Variants in GLIS1 observed in about 807,000 individuals in gnomAD.
GLIS1 encodes zinc finger protein GLIS1.
A neutral mutation model predicts 63.8 loss-of-function variants in GLIS1; 24 were observed. That is an observed-to-expected ratio of 0.38 (90% CI 0.27 to 0.53). The LOEUF is 0.53. Ranked by LOEUF, GLIS1 falls within the 20% of genes least tolerant of loss-of-function variation. The pLI, the probability that GLIS1 is intolerant of heterozygous loss-of-function variation, is 0.85. For synonymous variants in GLIS1, 450 were observed against 482.5 expected, an observed-to-expected ratio of 0.93 and a Z score of 0.88; for missense variants, 1,036 against 1,074.1, an observed-to-expected ratio of 0.96 and a Z score of 0.50.
At chr1:53,643,340 G>A (rs1645807829) in intron 2 of GLIS1, among the ~76,000 whole-genome samples, 1 of 152,240 alleles carries the variant, frequency 6.6e-6, no homozygotes, top group Non-Finnish European at 1.5e-5. Flanking sequence ...CTTTGGTTGG[G>A]GGCAGTAGTG....
rs373167026 is a variant in GLIS1, at chr1:53,599,389, C to T, written c.437+712G>A. ...GAGACCCGAGCTAGCGTGTTCAGCCCCCTCACCAGGTAATGCCCTGCGCCA... is the reference window on the plus strand; with the variant it reads ...GAGACCCGAGCTAGCGTGTTCAGCCTCCTCACCAGGTAATGCCCTGCGCCA... On this transcript the variant is annotated intron_variant, in intron 3 of 10. Transcript: ENST00000628545. Among the ~76,000 whole-genome samples, 8 of 152,266 alleles carry T rather than the reference C, an allele frequency of 5.3e-5. 1 individual carries two copies. Among genetic ancestry groups the T allele is most frequent in the African/African-American group, 1.9e-4 (8 of 41,542 alleles).
chr1:53,562,900 C>T (rs900164125), intron 4 of GLIS1, among the ~76,000 whole-genome samples: 2 of 152,148 alleles, frequency 1.3e-5, no homozygotes, highest in African/African-American at 4.8e-5. Flanking sequence ...ACATTATTTC[C>T]TATGATTTTT....
intron 2 of GLIS1, among the ~76,000 whole-genome samples, chr1:53,668,605 C>A (rs914488500): frequency 2.0e-5 from 3 of 152,180 alleles, no homozygotes; most frequent in Non-Finnish European, 2.9e-5. Context: ...AGATAATCTG[C>A]CTGCCTCAGC....
rs1569712245 is a variant in GLIS1 at position 53,509,975 on chromosome 1, G to C, written c.1936C>G (p.Pro646Ala). 1.5e-6 allele frequency: 2 copies of C among 1,291,124 alleles called. No homozygotes were observed. Among genetic ancestry groups the C allele is most frequent in the Non-Finnish European group, 2.0e-6 (2 of 1,011,302 alleles). The allele number at this position is 1,291,124 out of a possible 1,614,324, so 80.0% of individuals were successfully genotyped here. A position where few individuals can be genotyped will look rare whatever the true frequency, so the allele number is the denominator to read the frequency against. The change falls in exon 9 of 11, where the codon CCA (proline) becomes GCA (alanine). Residue 646 changes from proline (P) to alanine (A), a missense_variant. This residue lies in a region of GLIS1 where 400 missense variants were observed against 400.9 expected (regional missense o/e 1.00). Coordinates refer to ENST00000628545, the MANE Select transcript of GLIS1 (RefSeq NM_001367484.1). The part of the protein sequence containing the change: ...PIVSPLKGLG[P>A]PPLPPSSQSH... ...TGAGAGGATGGGGGCAGCGGCGGTGGCCCCAGCCCCTTCAGGGGGCTGACT... is the reference window on the plus strand; with the variant it reads ...TGAGAGGATGGGGGCAGCGGCGGTGCCCCCAGCCCCTTCAGGGGGCTGACT...
At chr1:53,617,639 T>C (rs3006898) in intron 2 of GLIS1, among the ~76,000 whole-genome samples, 100,615 of 152,206 alleles carry the variant, frequency 0.66, 35,220 homozygotes, top group Middle Eastern at 0.81. Flanking sequence ...CATGCCTGAG[T>C]GTGTGAATGT....
intron 8 of GLIS1, among the ~76,000 whole-genome samples, chr1:53,514,370 C>T (rs1369814862): frequency 6.6e-6 from 1 of 152,180 alleles, no homozygotes; most frequent in Non-Finnish European, 1.5e-5. Flanking sequence ...TCCCAGGGTC[C>T]TCCAGTGGGG....
intron 2 of GLIS1, among the ~76,000 whole-genome samples, chr1:53,732,568 G>A (rs1646873954): frequency 1.3e-5 from 2 of 152,018 alleles, no homozygotes; most frequent in Non-Finnish European, 2.9e-5. Flanking sequence ...CACAGTGAAG[G>A]CGAGCAGCAC....
At chr1:53,556,970 G>T (rs1644841296) in intron 4 of GLIS1, among the ~76,000 whole-genome samples, 2 of 151,414 alleles carry the variant, frequency 1.3e-5, no homozygotes, top group African/African-American at 4.9e-5. Context: ...TACTGCAGGT[G>T]TGTGTGTGCA....
chr1:53,719,631 G>GATGCA (rs1296151327), intron 2 of GLIS1, among the ~76,000 whole-genome samples: 6 of 152,096 alleles, frequency 3.9e-5, no homozygotes, highest in African/African-American at 1.2e-4. Flanking sequence ...AAAGAATTGT[G>GATGCA]ATGCAACTGG....
intron 2 of GLIS1, among the ~76,000 whole-genome samples, chr1:53,723,566 CA>C (rs1646777778): frequency 1.3e-5 from 2 of 152,042 alleles, no homozygotes; most frequent in African/African-American, 4.8e-5. Context: ...AGACTATATT[CA>C]GAATGATCTC....
intron 2 of GLIS1, among the ~76,000 whole-genome samples, chr1:53,618,364 G>A (rs1645504947): frequency 6.6e-6 from 1 of 152,310 alleles, no homozygotes; most frequent in African/African-American, 2.4e-5. Context: ...GAGATAAGAA[G>A]CCCTTTCTCT....
At chr1:53,633,028 G>T (rs1055719423) in intron 2 of GLIS1, among the ~76,000 whole-genome samples, 11 of 147,212 alleles carry the variant, frequency 7.5e-5, no homozygotes, top group African/African-American at 2.8e-4. Flanking sequence ...GTGACCGAGG[G>T]GCATGTGTAT....
At chr1:53,595,328 G>C (rs1276951968) in intron 3 of GLIS1, among the ~76,000 whole-genome samples, 1 of 152,178 alleles carries the variant, frequency 6.6e-6, no homozygotes, top group Admixed American at 6.5e-5. Flanking sequence ...CGACCAGCTT[G>C]GGCTACATAG....
chr1:53,561,442 A>G (rs1026331360), intron 4 of GLIS1, among the ~76,000 whole-genome samples: 4 of 152,228 alleles, frequency 2.6e-5, no homozygotes, highest in African/African-American at 9.6e-5. Context: ...AAGTGTGGGC[A>G]ATCTTTTTTC....
intron 10 of GLIS1, 93 bp from the exon 11 acceptor site, chr1:53,506,869 G>A (rs1461604199): frequency 7.8e-7 from 1 of 1,276,482 alleles, no homozygotes; most frequent in Non-Finnish European, 1.1e-6. Context: ...GCCTGCCCAG[G>A]GTCATCCCCT....
intron 2 of GLIS1, among the ~76,000 whole-genome samples, chr1:53,705,230 A>G (rs1015757738): frequency 2.6e-5 from 4 of 152,138 alleles, no homozygotes; most frequent in Admixed American, 6.5e-5. Flanking sequence ...GAGCCCTGGG[A>G]GGAGAGAGCC....
At chr1:53,520,880 C>A in intron 6 of GLIS1, 114 bp from the exon 7 acceptor site, 1 of 1,164,524 alleles carries the variant, frequency 8.6e-7, no homozygotes, top group South Asian at 1.8e-5. Flanking sequence ...AGACCCTTCC[C>A]TTCACTGTGC....
chr1:53,557,484 G>A (rs1452582584), intron 4 of GLIS1, among the ~76,000 whole-genome samples: 1 of 152,172 alleles, frequency 6.6e-6, no homozygotes, highest in Non-Finnish European at 1.5e-5. Context: ...ATGTAAGGAG[G>A]TGAGGAAGTG....
At chr1:53,603,860 G>A (rs1330582454) in intron 2 of GLIS1, among the ~76,000 whole-genome samples, 1 of 152,216 alleles carries the variant, frequency 6.6e-6, no homozygotes, top group Non-Finnish European at 1.5e-5. Context: ...ATCCTAGAAT[G>A]TCAGAGTTGG....
Sources: gnomAD v4.1 joint callset for allele counts (sites outside exome capture counted in the v4.1 genomes callset) on GRCh38, gnomAD v4.1.1 for gene constraint, gnomAD v4.1.1 regional missense constraint, MANE v1.5 for transcripts, NCBI Gene and HGNC (gene_info 2026-07-23, HGNC 2026-07-21) for gene names.